Variants in NAALADL2 observed in about 807,000 individuals in gnomAD.
NAALADL2 encodes inactive N-acetylated-alpha-linked acidic dipeptidase-like protein 2.
A neutral mutation model predicts 87.2 loss-of-function variants in NAALADL2; 76 were observed. The ratio of observed to expected loss-of-function variants is 0.87; its 90% confidence interval spans 0.72 to 1.05. The LOEUF is 1.05. NAALADL2 is among the 50% of genes least tolerant of loss of function. The pLI is 0.00. For missense variants in NAALADL2, 1,089 were observed against 945.8 expected (o/e 1.15, Z -1.99); for synonymous variants, 354 against 331.0 (o/e 1.07, Z -0.75).
At chr3:174,704,176 TC>T (rs1459223065) in intron 2 of NAALADL2, among the ~76,000 whole-genome samples, 1 of 152,192 alleles carries the variant, frequency 6.6e-6, no homozygotes, top group East Asian at 1.9e-4. Context: ...TCTCTTTTTT[TC>T]TGGTGATATG....
At chr3:175,194,576 T>C (rs1010015163) in intron 2 of NAALADL2, among the ~76,000 whole-genome samples, 40 of 151,946 alleles carry the variant, frequency 2.6e-4, no homozygotes, top group African/African-American at 9.6e-4. Context: ...TATGAAAACA[T>C]ATTTGCCTCT....
At chr3:175,407,281 A>G (rs1712586114) in intron 5 of NAALADL2, among the ~76,000 whole-genome samples, 2 of 152,340 alleles carry the variant, frequency 1.3e-5, no homozygotes, top group South Asian at 4.1e-4. Context: ...ATTCTGAAAC[A>G]AAGCTATATT....
At chr3:175,707,378 A>G (rs576167945) in intron 11 of NAALADL2, among the ~76,000 whole-genome samples, 26 of 152,272 alleles carry the variant, frequency 1.7e-4, no homozygotes, top group Non-Finnish European at 2.9e-4. Context: ...CTGTTTAGAA[A>G]TGTAAAAACT....
intron 2 of NAALADL2, among the ~76,000 whole-genome samples, chr3:174,571,748 G>A (rs1714951449): frequency 6.6e-6 from 1 of 152,060 alleles, no homozygotes; most frequent in Non-Finnish European, 1.5e-5. Context: ...CAAAGATAAG[G>A]TTATACAAGC....
At chr3:174,566,958 T>G (rs1714359881) in intron 2 of NAALADL2, among the ~76,000 whole-genome samples, 1 of 151,708 alleles carries the variant, frequency 6.6e-6, no homozygotes, top group Non-Finnish European at 1.5e-5. Context: ...TGGATAAGTA[T>G]ATATCAAAGA....
chr3:175,181,725 A>ATATATG (rs1553802488), intron 2 of NAALADL2, among the ~76,000 whole-genome samples: 3,484 of 61,538 alleles, frequency 0.057, 262 homozygotes, highest in Non-Finnish European at 0.082. Flanking sequence ...GTGTATATAT[A>ATATATG]TGTATATATG....
chr3:175,742,690 C>T lies in NAALADL2; in HGVS notation c.1990+5291C>T, dbSNP rs183768184. Among the ~76,000 whole-genome samples the T allele has an allele frequency of 7.9e-5, 12 of 152,278 alleles. No homozygotes were observed. In the East Asian group the frequency reaches 2.3e-3, roughly 29 times the overall value. ...GGGATTACAGGCGTGAGCCACCGCG[C>T]CCGGCCCTATGTAATGTAAGTTTTG... is the stretch of plus-strand genomic sequence containing the variant. On this transcript the variant is annotated intron_variant, in intron 12 of 13. Transcript: ENST00000454872.
chr3:174,612,882 T>A (rs777872227), intron 2 of NAALADL2, among the ~76,000 whole-genome samples: 1 of 152,062 alleles, frequency 6.6e-6, no homozygotes, highest in Non-Finnish European at 1.5e-5. Context: ...CATTGAAGAG[T>A]TAGATATTTA....
intron 5 of NAALADL2, among the ~76,000 whole-genome samples, chr3:175,433,933 T>G (rs1239573891): frequency 6.6e-6 from 1 of 151,926 alleles, no homozygotes; most frequent in Admixed American, 6.6e-5. Flanking sequence ...CCAAGGGAAT[T>G]TTTCCCATGG....
intron 10 of NAALADL2, among the ~76,000 whole-genome samples, chr3:175,624,504 C>A (rs1329439541): frequency 6.6e-6 from 1 of 151,918 alleles, no homozygotes; most frequent in East Asian, 1.9e-4. Flanking sequence ...TTATTAGATG[C>A]CTTAATTTGT....
rs541897642 is a variant in NAALADL2, at chr3:174,612,958, A to G, written c.-115+62321A>G. On this transcript the variant is annotated intron_variant, in intron 2 of 3. Coordinates refer to the NAALADL2 transcript ENST00000434257. ...CTTGGGAGAGCTTTCCATACAGTTG[A>G]AAGGACATGGGTATTACGACCTAAG... Among the ~76,000 whole-genome samples the G allele has an allele frequency of 7.2e-5, 11 of 152,270 alleles. No homozygotes were observed. The South Asian group carries it at 2.3e-3, about 32-fold the overall frequency.
chr3:175,430,010 C>A (rs1004161439), intron 5 of NAALADL2, among the ~76,000 whole-genome samples: 1 of 151,668 alleles, frequency 6.6e-6, no homozygotes, highest in African/African-American at 2.4e-5. Flanking sequence ...TGGGGCATGG[C>A]CAAAATGGTC....
At chr3:174,496,538 A>G (rs1718553224) in intron 1 of NAALADL2, among the ~76,000 whole-genome samples, 1 of 148,656 alleles carries the variant, frequency 6.7e-6, no homozygotes. Context: ...ATATGTAAGA[A>G]TTGGATAAAG....
At chr3:174,841,415 T>TA (rs747308021) in intron 3 of NAALADL2, among the ~76,000 whole-genome samples, 62 of 152,378 alleles carry the variant, frequency 4.1e-4, no homozygotes, top group Non-Finnish European at 8.2e-4. Flanking sequence ...AGAAAGCTGT[T>TA]ATCCCATGAA....
intron 1 of NAALADL2, among the ~76,000 whole-genome samples, chr3:175,011,658 G>A (rs1749841865): frequency 6.6e-6 from 1 of 152,040 alleles, no homozygotes. Flanking sequence ...GGCTTTTTGA[G>A]GTCTGAGTTG....
chr3:175,019,127 A>G (rs1751231427), intron 1 of NAALADL2, among the ~76,000 whole-genome samples: 1 of 151,982 alleles, frequency 6.6e-6, no homozygotes, highest in Non-Finnish European at 1.5e-5. Context: ...TTTGTGATTC[A>G]TACTTTCAAA....
chr3:175,563,892 T>C (rs114923280), intron 9 of NAALADL2, among the ~76,000 whole-genome samples: 2,942 of 152,190 alleles, frequency 0.019, 66 homozygotes, highest in Admixed American at 0.062. Flanking sequence ...TACAATGGTG[T>C]CCGCAAAGGT....
rs532043674 is a variant in NAALADL2, at chr3:174,543,439, A to G, written c.-183-7130A>G. On this transcript the variant is annotated intron_variant, in intron 1 of 3. Coordinates refer to the NAALADL2 transcript ENST00000434257. The stretch of plus-strand genomic sequence containing the variant: ...ACTCATTCCAGAGACAGTAATTAGC[A>G]ATCAGGTTAAATTACTTTGATTACC... 2.0e-5 allele frequency among the ~76,000 whole-genome samples: 3 copies of G among 152,284 alleles called. No individual in the cohort carries two copies. The South Asian group carries it at 6.2e-4, about 32-fold the overall frequency.
chr3:174,772,886 G>A (rs1466572821), intron 3 of NAALADL2, among the ~76,000 whole-genome samples: 1 of 152,168 alleles, frequency 6.6e-6, no homozygotes, highest in Non-Finnish European at 1.5e-5. Context: ...AGGATGTTGT[G>A]CACTCTAGAG....
Sources: gnomAD v4.1 joint callset for allele counts (sites outside exome capture counted in the v4.1 genomes callset) on GRCh38, gnomAD v4.1.1 for gene constraint, MANE v1.5 for transcripts, NCBI Gene and HGNC (gene_info 2026-07-23, HGNC 2026-07-21) for gene names.